MAP4K3: variants seen among roughly 807,000 people sequenced by gnomAD.
MAP4K3 encodes the protein mitogen-activated protein kinase kinase kinase kinase 3.
In MAP4K3, 94 loss-of-function variants were observed where a neutral mutation model predicts 143.5. The ratio of observed to expected loss-of-function variants is 0.65; its 90% CI spans 0.55 to 0.78. The LOEUF (loss-of-function observed/expected upper bound fraction) is 0.78. Among genes scored for constraint, MAP4K3 ranks in the 30% least tolerant of loss-of-function variants. MAP4K3 has a pLI of 0.00. For synonymous variants in MAP4K3, 416 were observed against 347.2 expected (o/e 1.20, Z -2.20); for missense variants, 1,077 against 1,068.1 (o/e 1.01, Z -0.12).
At chr2:39,298,392 A>T (rs1682370024) in intron 16 of MAP4K3, among the ~76,000 whole-genome samples, 1 of 152,186 alleles carries the variant, frequency 6.6e-6, no homozygotes, top group Non-Finnish European at 1.5e-5. Flanking sequence ...TAATATTTTT[A>T]AAACTCTGAT....
intron 31 of MAP4K3, among the ~76,000 whole-genome samples, chr2:39,257,709 G>C (rs1378622435): frequency 6.8e-6 from 1 of 146,536 alleles, no homozygotes; most frequent in Non-Finnish European, 1.5e-5. Context: ...TGAGGCAGGA[G>C]AATCACTTGA....
chr2:39,355,309 C>T (rs966779852), intron 3 of MAP4K3, among the ~76,000 whole-genome samples: 7 of 138,410 alleles, frequency 5.1e-5, no homozygotes, highest in Non-Finnish European at 9.1e-5. Flanking sequence ...TGCGGTGAGC[C>T]GAGATCACAC....
At chr2:39,256,224 T>C (rs1002211283) in intron 31 of MAP4K3, among the ~76,000 whole-genome samples, 2 of 152,234 alleles carry the variant, frequency 1.3e-5, no homozygotes, top group African/African-American at 4.8e-5. Context: ...ATATTCTATG[T>C]ACATAATCAT....
intron 1 of MAP4K3, among the ~76,000 whole-genome samples, chr2:39,422,359 T>C (rs1044790549): frequency 6.6e-5 from 10 of 151,914 alleles, no homozygotes; most frequent in Non-Finnish European, 1.0e-4. Flanking sequence ...TATATCTGAC[T>C]CCAAATTACA....
chr2:39,307,770 T>C (rs1455065775), intron 15 of MAP4K3, among the ~76,000 whole-genome samples, 173 bp downstream of exon 15: 1 of 152,096 alleles, frequency 6.6e-6, no homozygotes, highest in South Asian at 2.1e-4. Context: ...TGAGTAGATA[T>C]ATATATGTAA....
intron 8 of MAP4K3, among the ~76,000 whole-genome samples, chr2:39,326,511 T>A (rs1333947659): frequency 6.6e-6 from 1 of 152,146 alleles, no homozygotes; most frequent in Non-Finnish European, 1.5e-5. Context: ...GGAAGGGACT[T>A]GCCTTGCCTT....
intron 31 of MAP4K3, 110 bp from the exon 32 acceptor site, chr2:39,254,630 C>T (rs954049120): frequency 1.1e-5 from 8 of 710,086 alleles, no homozygotes; most frequent in African/African-American, 1.0e-4. Flanking sequence ...CAACTAATGT[C>T]AGCTATTCCA....
chr2:39,365,532 C>T (rs1665898654), intron 2 of MAP4K3, among the ~76,000 whole-genome samples: 1 of 149,664 alleles, frequency 6.7e-6, no homozygotes, highest in African/African-American at 2.5e-5. Flanking sequence ...GCAAGCTCCG[C>T]TTCCCGGGTT....
At chr2:39,268,033 G>T (rs934114037) in intron 26 of MAP4K3, among the ~76,000 whole-genome samples, 2 of 152,102 alleles carry the variant, frequency 1.3e-5, no homozygotes, top group Admixed American at 1.3e-4. Flanking sequence ...ACTGTAAAAA[G>T]CTGTCTTATT....
At chr2:39,262,658 A>C (rs1680615204) in intron 28 of MAP4K3, among the ~76,000 whole-genome samples, 1 of 152,190 alleles carries the variant, frequency 6.6e-6, no homozygotes, top group South Asian at 2.1e-4. Flanking sequence ...ATTCATGTCT[A>C]ATAGTTTTAA....
Position 39,437,005 on chromosome 2 carries a change from C to T in MAP4K3, c.-18G>A, listed in dbSNP as rs1453834205. 7.5e-6 allele frequency: 12 copies of T among 1,603,164 alleles called. No homozygotes were observed. The highest frequency in any genetic ancestry group is 1.7e-4 in the Middle Eastern group (1 of 5,904). ...GGGTTCATGGCGGGCCCCAGGTGCC[C>T]CCCGCCTCCCTCCCGGGCAGGGGAG... On this transcript the variant is annotated 5_prime_UTR_variant, in exon 1 of 34. Coordinates refer to ENST00000263881, the MANE Select transcript of MAP4K3 (RefSeq NM_003618.4).
At chr2:39,295,976 C>T (rs575407839) in intron 16 of MAP4K3, among the ~76,000 whole-genome samples, 1 of 152,262 alleles carries the variant, frequency 6.6e-6, no homozygotes, top group East Asian at 1.9e-4. Context: ...GCCTTGGCTT[C>T]CCAGTGTTGG....
At chr2:39,363,923 C>G (rs1251453092) in intron 2 of MAP4K3, among the ~76,000 whole-genome samples, 1 of 145,352 alleles carries the variant, frequency 6.9e-6, no homozygotes, top group African/African-American at 2.5e-5. Flanking sequence ...AGATGCCCAA[C>G]ATTACTGTCT....
chr2:39,396,168 G>C (rs1313807012), intron 1 of MAP4K3, among the ~76,000 whole-genome samples: 1 of 152,010 alleles, frequency 6.6e-6, no homozygotes, highest in Non-Finnish European at 1.5e-5. Flanking sequence ...CTCCGGAGCA[G>C]TTGGAACTAC....
At chr2:39,355,704 C>T (rs996061208) in intron 3 of MAP4K3, among the ~76,000 whole-genome samples, 14 of 152,114 alleles carry the variant, frequency 9.2e-5, no homozygotes, top group African/African-American at 3.4e-4. Context: ...ACCTAAGAAC[C>T]TGGCTTGGGT....
At chr2:39,256,028 T>C (rs184068417) in intron 31 of MAP4K3, among the ~76,000 whole-genome samples, 2 of 152,352 alleles carry the variant, frequency 1.3e-5, no homozygotes, top group African/African-American at 4.8e-5. Context: ...GGTTCCTAGA[T>C]AATGATCTTA....
Position 39,405,234 on chromosome 2 carries a change from G to A in MAP4K3, c.97-27111C>T, listed in dbSNP as rs145459139. On this transcript the variant is annotated intron_variant, in intron 1 of 33. Transcript: ENST00000263881. ...GGCAGCTCAGAACAGAGAGAGAAAT[G>A]ATGTTTCTTTAGGAAAAAGTAAAGG... Among the ~76,000 whole-genome samples, 309 of 152,308 alleles carry A rather than the reference G, an allele frequency of 2.0e-3. 2 individuals carry two copies. Among genetic ancestry groups the A allele is most frequent in the African/African-American group, 7.2e-3 (299 of 41,576 alleles).
chr2:39,433,916 G>A (rs1665370880), intron 1 of MAP4K3, among the ~76,000 whole-genome samples: 1 of 152,126 alleles, frequency 6.6e-6, no homozygotes, highest in South Asian at 2.1e-4. Flanking sequence ...AAGAAGAAGG[G>A]CATATGATGG....
intron 1 of MAP4K3, among the ~76,000 whole-genome samples, chr2:39,430,772 T>C (rs1665260015): frequency 6.6e-6 from 1 of 152,204 alleles, no homozygotes; most frequent in Non-Finnish European, 1.5e-5. Context: ...CAAAGATACA[T>C]TAACCCTACT....
Sources: gnomAD v4.1 joint callset for allele counts (sites outside exome capture counted in the v4.1 genomes callset) on GRCh38, gnomAD v4.1.1 for gene constraint, MANE v1.5 for transcripts, NCBI Gene and HGNC (gene_info 2026-07-23, HGNC 2026-07-21) for gene names.